ADGRF3: variants seen among roughly 807,000 people sequenced by gnomAD.
The protein encoded by ADGRF3 is G protein-coupled receptor 113.
Under a neutral mutation model 93.2 loss-of-function variants are expected in ADGRF3, and 85 were observed. The observed-to-expected ratio is 0.91, with a 90% CI of 0.77 to 1.09. The LOEUF (loss-of-function observed/expected upper bound fraction) is 1.09, where lower values mean the gene tolerates loss of function less well. ADGRF3 is among the 50% of genes least tolerant of loss of function. The probability of loss-of-function intolerance (pLI) is 0.00; values close to 1 mark genes in which losing one functional copy is unlikely to be tolerated. For synonymous variants in ADGRF3, 534 were observed against 532.5 expected (o/e 1.00, Z -0.04); for missense variants, 1,125 against 1,246.2 (o/e 0.90, Z 1.46).
At chr2:26,318,302 C>T (rs1168301963) in intron 1 of ADGRF3, among the ~76,000 whole-genome samples, 1 of 152,206 alleles carries the variant, frequency 6.6e-6, no homozygotes, top group African/African-American at 2.4e-5. Context: ...ATGGATAAGA[C>T]GTGAGTATAA....
chr2:26,310,038 C>T lies in ADGRF3; in HGVS notation c.2937+5G>A, dbSNP rs763931684. On this transcript the variant is annotated splice_donor_5th_base_variant and intron_variant, in intron 12 of 13. Transcript: ENST00000651242. Reference sequence around the variant, plus strand: ...ACAGCTGAGGATCTGAAGGCAGCAACTCACCAGGGAGATGGTGGAGCTGGG... The same window carrying T: ...ACAGCTGAGGATCTGAAGGCAGCAATTCACCAGGGAGATGGTGGAGCTGGG... 90 of 1,613,956 alleles carry T rather than the reference C, an allele frequency of 5.6e-5. No individual in the cohort carries two copies. The highest frequency in any genetic ancestry group is 7.2e-5 in the Non-Finnish European group (85 of 1,179,904).
intron 1 of ADGRF3, among the ~76,000 whole-genome samples, chr2:26,326,915 G>A (rs1328552015): frequency 1.3e-5 from 2 of 152,094 alleles, no homozygotes; most frequent in Middle Eastern, 3.2e-3. Context: ...GACTACAGGC[G>A]ACCACCACCA....
chr2:26,336,802 A>G (rs1347286534), intron 1 of ADGRF3, among the ~76,000 whole-genome samples: 2 of 150,818 alleles, frequency 1.3e-5, no homozygotes, highest in Non-Finnish European at 3.0e-5. Context: ...AGTGGGCAGG[A>G]TAAGTGGAAG....
chr2:26,310,762 C>T lies in ADGRF3; in HGVS notation c.2762G>A (p.Gly921Asp). 1 of 1,613,384 alleles carries T rather than the reference C, an allele frequency of 6.2e-7. No homozygotes were observed. Among genetic ancestry groups the T allele is most frequent in the Non-Finnish European group, 8.5e-7 (1 of 1,179,612 alleles). The part of the protein sequence containing the change: ...TPIFGLTWGL[G>D]LATLLEEVST... ...GACTTCCTCTAACAGAGTGGCCAGGCCCAGCCCCCAGGTGAGGCCAAAGAT... is the reference window on the plus strand; with the variant it reads ...GACTTCCTCTAACAGAGTGGCCAGGTCCAGCCCCCAGGTGAGGCCAAAGAT... Residue 921 changes from glycine to aspartate, a missense_variant, in exon 10 of 14, where the codon GGC (glycine) becomes GAC (aspartate). Gly to Asp is a moderately conservative substitution (Grantham distance 94). Coordinates refer to ENST00000651242, the MANE Select transcript of ADGRF3 (RefSeq NM_001321971.2).
rs1436457781 is a variant in ADGRF3 at position 26,337,915 on chromosome 2, C to T, written c.114+8206G>A. ...GCACATGCATGTAATCCCAGCTACT[C>T]GGGAGGCTGAGACATGAGAATCACT... On this transcript the variant is annotated intron_variant, in intron 1 of 13. Coordinates refer to ENST00000651242, the MANE Select transcript of ADGRF3 (RefSeq NM_001321971.2). Among the ~76,000 whole-genome samples the T allele has an allele frequency of 1.3e-5, 2 of 151,964 alleles. 1 individual carries two copies. Among genetic ancestry groups the T allele is most frequent in the Admixed American group, 1.3e-4 (2 of 15,258 alleles).
rs774324896 is a variant in ADGRF3, at chr2:26,313,640, C to T, written c.1073-67G>A. 3.8e-6 allele frequency: 6 copies of T among 1,562,704 alleles called. No homozygotes were observed. The Admixed American group carries it at 9.3e-5, about 24-fold the overall frequency. Reference sequence around the variant, plus strand: ...CACCTGAGCCTCTCCTTGGGCAGAACCCTATGCGGGCCCCGAAGCCTGGTC... The same window carrying T: ...CACCTGAGCCTCTCCTTGGGCAGAATCCTATGCGGGCCCCGAAGCCTGGTC... On this transcript the variant is annotated intron_variant, in intron 7 of 13. Transcript: ENST00000651242.
At position 26,308,917 on chromosome 2, in the gene ADGRF3, G is replaced by T; in HGVS notation, c.*169C>A. 2.4e-6 allele frequency: 2 copies of T among 821,840 alleles called. No homozygotes were observed. Among genetic ancestry groups the T allele is most frequent in the South Asian group, 3.6e-5 (2 of 55,246 alleles). The allele number at this position is 821,840 out of a possible 1,614,324, so 50.9% of individuals were successfully genotyped here. ...TGCTGGATACTTTAGAAATGAGAAG[G>T]GGTGAGCTGTAAGATAAATGAGTGT... On this transcript the variant is annotated 3_prime_UTR_variant, in exon 14 of 14. Transcript: ENST00000651242.
intron 1 of ADGRF3, among the ~76,000 whole-genome samples, chr2:26,336,149 T>C (rs1290286835): frequency 6.6e-6 from 1 of 152,154 alleles, no homozygotes; most frequent in East Asian, 1.9e-4. Flanking sequence ...TGGAAGTAGG[T>C]TGCCAACTGG....
rs72851588 is a variant in ADGRF3 at position 26,309,575 on chromosome 2, T to C, written c.2944A>G (p.Asn982Asp). 41,056 of 1,612,490 alleles carry C rather than the reference T, an allele frequency of 0.025. 752 individuals are homozygous for C. Among genetic ancestry groups the C allele is most frequent in the African/African-American group, 0.087 (6,555 of 74,994 alleles). ...CTGTGTTCCAAGATGCAGCCTTCAT[T>C]TGTGGCCTAGGAAGGGGTGGGAAGG... ...APSSTISLATNEGCILEHSKG... is the reference protein window; with the variant it reads ...APSSTISLATDEGCILEHSKG... Residue 982 changes from asparagine to aspartate, a missense_variant, in exon 13 of 14, where the codon AAT becomes GAT. Transcript: ENST00000651242.
In ADGRF3 at chr2:26,311,669, C is replaced by T; in HGVS notation, c.1855G>A (p.Val619Ile). 6.2e-7 allele frequency: 1 copy of T among 1,613,436 alleles called. No homozygotes were observed. ...CGGTCACCTGCCATGATGGAAATGA[C>T]AAGGACCAGGCCAGGAGTGGCATAG... ...SLYATPGLVL[V>I]ISIMAGDRAF... The change falls in exon 10 of 14, where the codon GTC becomes ATC. Residue 619 changes from valine (V) to isoleucine (I), a missense_variant. Coordinates refer to ENST00000651242, the MANE Select transcript of ADGRF3 (RefSeq NM_001321971.2).
At chr2:26,317,888 T>C (rs1307667671) in intron 1 of ADGRF3, 1 of 779,778 alleles carries the variant, frequency 1.3e-6, no homozygotes, top group East Asian at 2.7e-5. Context: ...GCAGCGGAGC[T>C]GGACATTGCT....
At position 26,309,241 on chromosome 2, in the gene ADGRF3, T is replaced by C. The variant is rs1323925022; in HGVS notation, c.2994-134A>G. On this transcript the variant is annotated intron_variant, in intron 13 of 13. Coordinates refer to ENST00000651242, the MANE Select transcript of ADGRF3 (RefSeq NM_001321971.2). ...CTCATGATAATTAAATGTGTGATAATGTGAAAAGGAATTTTCAGAGAAACC... is the reference window on the plus strand; with the variant it reads ...CTCATGATAATTAAATGTGTGATAACGTGAAAAGGAATTTTCAGAGAAACC... 7 of 1,597,050 alleles carry C rather than the reference T, an allele frequency of 4.4e-6. No homozygotes were observed. The Admixed American group carries it at 1.0e-4, about 24-fold the overall frequency.
At chr2:26,324,454 C>A (rs1675330475) in intron 1 of ADGRF3, among the ~76,000 whole-genome samples, 7 of 152,028 alleles carry the variant, frequency 4.6e-5, no homozygotes, top group Admixed American at 2.0e-4. Context: ...AGGTATTAAG[C>A]CTAGTACCCA....
intron 1 of ADGRF3, among the ~76,000 whole-genome samples, chr2:26,329,030 TCA>T (rs2147908594): frequency 1.3e-5 from 2 of 152,356 alleles, no homozygotes; most frequent in Non-Finnish European, 2.9e-5. Flanking sequence ...AGGGATATTA[TCA>T]CGGATAATCT....
intron 1 of ADGRF3, among the ~76,000 whole-genome samples, chr2:26,321,632 C>A (rs1258321565): frequency 6.6e-6 from 1 of 152,044 alleles, no homozygotes; most frequent in East Asian, 1.9e-4. Context: ...GGCTGTTCAT[C>A]CATCAGCATG....
chr2:26,342,137 T>C (rs1391258024), intron 1 of ADGRF3, among the ~76,000 whole-genome samples: 3 of 151,264 alleles, frequency 2.0e-5, no homozygotes, highest in Admixed American at 6.6e-5. Flanking sequence ...TGTAGAAGCA[T>C]AGTGTAGTGG....
intron 1 of ADGRF3, among the ~76,000 whole-genome samples, chr2:26,319,683 T>C (rs947949475): frequency 5.3e-5 from 8 of 151,608 alleles, no homozygotes; most frequent in Middle Eastern, 3.2e-3. Flanking sequence ...CTCTCTTTCC[T>C]TCTTTCTCTC....
Position 26,311,953 on chromosome 2 carries a change from C to T in ADGRF3, c.1571G>A (p.Cys524Tyr). 6.2e-7 allele frequency: 1 copy of T among 1,613,750 alleles called. No homozygotes were observed. Among genetic ancestry groups the T allele is most frequent in the Non-Finnish European group, 8.5e-7 (1 of 1,179,866 alleles). Residue 524 changes from cysteine (C) to tyrosine (Y), a missense_variant, in exon 10 of 14, where the codon TGC becomes TAC. Cys to Tyr is a radical substitution (Grantham distance 194). Transcript: ENST00000651242. ...GGGGTGGTCCTGTGGGCACAGGCTG[C>T]ATGCCAGGGTCTCCACAGCCAGCAG... Reference protein sequence around the residue: ...TLLLAVETLACSLCPQDHPFA... With the variant: ...TLLLAVETLAYSLCPQDHPFA...
At chr2:26,314,707 C>G in intron 5 of ADGRF3, 84 bp from the exon 6 acceptor site, 1 of 1,304,864 alleles carries the variant, frequency 7.7e-7, no homozygotes, top group Non-Finnish European at 1.1e-6. Context: ...AAGCCACAGC[C>G]TTGCTCCTGT....
Sources: allele counts gnomAD v4.1 joint callset (sites outside exome capture counted in the v4.1 genomes callset), GRCh38; gene constraint gnomAD v4.1.1; transcripts MANE v1.5; gene names NCBI Gene and HGNC (gene_info 2026-07-23, HGNC 2026-07-21).